The following PHEX variants were observed in gnomAD, a reference collection of about 807,000 sequenced individuals.
The protein encoded by PHEX is phosphate regulating endopeptidase X-linked.
In PHEX, 16 loss-of-function variants were observed where a neutral mutation model predicts 68.0. The observed-to-expected ratio is 0.24, with a 90% CI of 0.16 to 0.36. The LOEUF is 0.36. Ranked by LOEUF, PHEX falls within the 10% of genes least tolerant of loss-of-function variation. The pLI, the probability that PHEX is intolerant of heterozygous loss-of-function variation, is 1.00. For synonymous variants in PHEX, 208 were observed against 205.1 expected (o/e 1.01, Z -0.12); for missense variants, 480 against 575.5 (o/e 0.83, Z 1.70).
intron 17 of PHEX, among the ~76,000 whole-genome samples, chrX:22,219,594 T>C (rs1308625815): frequency 1.9e-5 from 2 of 107,281 alleles, no homozygotes; most frequent in African/African-American, 7.1e-5. Flanking sequence ...TTTTTCTCTA[T>C]ACTGGCTTAT....
intron 9 of PHEX, among the ~76,000 whole-genome samples, chrX:22,109,652 G>A (rs1930866696): frequency 9.0e-6 from 1 of 111,463 alleles, no homozygotes; most frequent in Non-Finnish European, 1.9e-5. Context: ...TTTCAGGAAT[G>A]TGTGTTATTA....
At chrX:22,084,993 A>G (rs1219815252) in intron 5 of PHEX, among the ~76,000 whole-genome samples, 11 of 108,409 alleles carry the variant, frequency 1.0e-4, no homozygotes, top group African/African-American at 3.7e-4. Context: ...ATTTATTTCT[A>G]TTTTAATCTT....
In PHEX at chrX:22,249,453, A is replaced by ATATATATATAT. The variant is rs1222771440; in HGVS notation, c.*1500_*1501insTATATATATAT. ...ATTTGTGATTCTTTTAAAAAAAAAA[A>ATATATATATAT]AAATATATATATATATATATATATA... is the stretch of plus-strand genomic sequence containing the variant. On this transcript the variant is annotated 3_prime_UTR_variant, in exon 22 of 22. Transcript: ENST00000379374. 6 of 28,035 alleles carry ATATATATATAT rather than the reference A, an allele frequency of 2.1e-4. No individual in the cohort carries two copies. Among genetic ancestry groups the ATATATATATAT allele is most frequent in the African/African-American group, 4.1e-4 (2 of 4,827 alleles). The allele number at this position is 28,035 out of a possible 1,213,427, so 2.3% of individuals were successfully genotyped here. A position where few individuals can be genotyped will look rare whatever the true frequency, so the allele number is the denominator to read the frequency against.
At chrX:22,183,452 T>C (rs1247410189) in intron 14 of PHEX, among the ~76,000 whole-genome samples, 1 of 111,893 alleles carries the variant, frequency 8.9e-6, no homozygotes, top group Non-Finnish European at 1.9e-5. Context: ...TGAAAAATGA[T>C]AGATAATGGT....
chrX:22,238,838 C>T (rs1936078811), intron 20 of PHEX, among the ~76,000 whole-genome samples: 1 of 111,943 alleles, frequency 8.9e-6, no homozygotes, highest in Admixed American at 9.4e-5. Context: ...CAGACTTAAA[C>T]GTCCCTGCCT....
At chrX:22,207,460 A>G (rs1017328305) in intron 15 of PHEX, among the ~76,000 whole-genome samples, 3 of 111,759 alleles carry the variant, frequency 2.7e-5, no homozygotes, top group Non-Finnish European at 3.8e-5. Flanking sequence ...ATGCTAAAAG[A>G]AATTTTAATA....
intron 5 of PHEX, among the ~76,000 whole-genome samples, chrX:22,083,024 G>A (rs12011639): frequency 0.077 from 8,579 of 111,285 alleles, 523 homozygotes; most frequent in African/African-American, 0.21. Context: ...ATCAATGGAA[G>A]CAGCCCAGAA....
chrX:22,041,265 C>CTCTCTCTCTCTATATATATATATATA (rs1468778300), intron 2 of PHEX, among the ~76,000 whole-genome samples: 1 of 72,825 alleles, frequency 1.4e-5, no homozygotes, highest in African/African-American at 6.3e-5. Flanking sequence ...CTCTCTCTCT[C>CTCTCTCTCTCTATATATATATATATA]TATATATATA....
At chrX:22,237,303 C>T (rs1162304830) in intron 20 of PHEX, among the ~76,000 whole-genome samples, 1 of 111,979 alleles carries the variant, frequency 8.9e-6, no homozygotes, top group Non-Finnish European at 1.9e-5. Flanking sequence ...CAAGGGATCG[C>T]ATTACAAAAC....
At chrX:22,085,441 G>A (rs951890299) in intron 5 of PHEX, among the ~76,000 whole-genome samples, 3 of 109,722 alleles carry the variant, frequency 2.7e-5, no homozygotes, top group East Asian at 5.7e-4. Context: ...CAGGCATGGT[G>A]TCGGGTACCT....
At chrX:22,208,689 A>G (rs1046632896) in intron 15 of PHEX, among the ~76,000 whole-genome samples, 3 of 111,990 alleles carry the variant, frequency 2.7e-5, no homozygotes, top group African/African-American at 9.7e-5. Flanking sequence ...GGGCCCAGCA[A>G]TCTGTAGTTT....
intron 13 of PHEX, among the ~76,000 whole-genome samples, chrX:22,170,667 C>A (rs907462995): frequency 8.9e-6 from 1 of 111,849 alleles, no homozygotes; most frequent in African/African-American, 3.3e-5. Flanking sequence ...TGTCCAGGTC[C>A]CTCAAATTGA....
intron 11 of PHEX, among the ~76,000 whole-genome samples, chrX:22,131,864 G>A (rs375216050): frequency 3.6e-5 from 4 of 110,935 alleles, no homozygotes; most frequent in Admixed American, 1.9e-4. Flanking sequence ...ACTGGATTTC[G>A]AGGGGTTTGT....
intron 3 of PHEX, among the ~76,000 whole-genome samples, chrX:22,065,467 C>G (rs1175326219): frequency 1.8e-5 from 2 of 111,269 alleles, no homozygotes; most frequent in Non-Finnish European, 3.8e-5. Context: ...TGCTCTTTCA[C>G]CAGGCTGGAG....
At chrX:22,172,900 G>A (rs1933583061) in intron 13 of PHEX, 1 of 111,273 alleles carries the variant, frequency 9.0e-6, no homozygotes, top group African/African-American at 3.3e-5. Context: ...AGTTTCTGGT[G>A]AGTGATACAC....
rs1262185201 is a variant in PHEX at position 22,036,052 on chromosome X, A to ATT, written c.119-2416_119-2415insTT. On this transcript the variant is annotated intron_variant, in intron 1 of 21. Coordinates refer to ENST00000379374, the MANE Select transcript of PHEX (RefSeq NM_000444.6). ...CACACGTACATATATATATATATATATATTTTTTTTTTTTTTTTTTTTTTT... is the reference window on the plus strand; with the variant it reads ...CACACGTACATATATATATATATATATTTATTTTTTTTTTTTTTTTTTTTTTT... Among the ~76,000 whole-genome samples, 425 of 58,356 alleles carry ATT rather than the reference A, an allele frequency of 7.3e-3. 8 individuals are homozygous for ATT. Among genetic ancestry groups the ATT allele is most frequent in the Non-Finnish European group, 8.4e-3 (276 of 33,009 alleles). 50.7% of individuals were successfully genotyped at this position (58,356 alleles called of 115,157 possible).
At chrX:22,097,101 A>G (rs749088812) in intron 8 of PHEX, 63 bp downstream of exon 8, 47 of 788,646 alleles carry the variant, frequency 6.0e-5, no homozygotes, top group Non-Finnish European at 8.6e-5. Flanking sequence ...ATTGGATTTC[A>G]TCTCTGTGTA....
At chrX:22,154,868 A>T (rs780227044) in intron 12 of PHEX, among the ~76,000 whole-genome samples, 49 of 112,223 alleles carry the variant, frequency 4.4e-4, no homozygotes, top group African/African-American at 1.5e-3. Context: ...CACTGGCCCT[A>T]TGACATTCCC....
chrX:22,090,617 A>T, intron 6 of PHEX, 120 bp downstream of exon 6: 1 of 530,854 alleles, frequency 1.9e-6, no homozygotes, highest in Non-Finnish European at 3.3e-6. Context: ...CCATATTCCC[A>T]ATGCAGGAAG....
Sources: gnomAD v4.1 joint callset for allele counts (sites outside exome capture counted in the v4.1 genomes callset) on GRCh38, gnomAD v4.1.1 for gene constraint, MANE v1.5 for transcripts, NCBI Gene and HGNC (gene_info 2026-07-23, HGNC 2026-07-21) for gene names.